Variants in BMP6 observed in about 807,000 individuals in gnomAD.
The protein encoded by BMP6 is VG-1-R.
Under a neutral mutation model 54.1 loss-of-function variants are expected in BMP6, and 17 were observed. The ratio of observed to expected loss-of-function variants is 0.31; its 90% CI spans 0.22 to 0.47. The LOEUF (loss-of-function observed/expected upper bound fraction) is 0.47, where lower values mean the gene tolerates loss of function less well. BMP6 is among the 20% of genes least tolerant of loss of function. BMP6 has a pLI of 1.00. For missense variants in BMP6, 720 were observed against 690.4 expected, an observed-to-expected ratio of 1.04 and a Z score of -0.48; for synonymous variants, 328 against 291.2, an observed-to-expected ratio of 1.13 and a Z score of -1.28.
chr6:7,779,924 G>A (rs1478421745), intron 1 of BMP6, among the ~76,000 whole-genome samples: 5 of 152,144 alleles, frequency 3.3e-5, no homozygotes, highest in African/African-American at 1.2e-4. Context: ...TGGTGAGTGT[G>A]TTTGGGTGTG....
rs1385138476 is a variant in BMP6 at position 7,852,596 on chromosome 6, T to C, written c.857+7264T>C. 4.6e-5 allele frequency among the ~76,000 whole-genome samples: 7 copies of C among 152,136 alleles called. No homozygotes were observed. In the South Asian group the frequency reaches 1.4e-3, roughly 31 times the overall value. ...TGTCTCAAAAAATTTTTTTTAATTT[T>C]AAAAATCTTAGAAAAATAAAAAACC... On this transcript the variant is annotated intron_variant, in intron 2 of 6. Transcript: ENST00000283147.
At chr6:7,872,611 G>A (rs932720669) in intron 4 of BMP6, among the ~76,000 whole-genome samples, 4 of 152,170 alleles carry the variant, frequency 2.6e-5, no homozygotes, top group Admixed American at 1.3e-4. Context: ...CATTGAGAGA[G>A]TCAAATCAAC....
intron 1 of BMP6, among the ~76,000 whole-genome samples, chr6:7,766,992 GTTTTTT>G (rs10557470): frequency 2.2e-4 from 31 of 140,522 alleles, no homozygotes; most frequent in Non-Finnish European, 4.2e-4. Context: ...TAGTTTGTTT[GTTTTTT>G]TTTTTTGAGA....
chr6:7,782,527 A>G (rs1018545878), intron 1 of BMP6, among the ~76,000 whole-genome samples: 1 of 152,118 alleles, frequency 6.6e-6, no homozygotes, highest in Non-Finnish European at 1.5e-5. Flanking sequence ...CCTGGCCAAC[A>G]TGGTGAAACC....
At chr6:7,852,859 T>C (rs1467232692) in intron 2 of BMP6, among the ~76,000 whole-genome samples, 2 of 152,030 alleles carry the variant, frequency 1.3e-5, no homozygotes, top group East Asian at 3.9e-4. Flanking sequence ...AGAGCCAGAG[T>C]CCTAGAGGAA....
intron 1 of BMP6, among the ~76,000 whole-genome samples, chr6:7,739,796 A>G (rs1581227732): frequency 6.6e-6 from 1 of 152,254 alleles, no homozygotes; most frequent in African/African-American, 2.4e-5. Flanking sequence ...GAAGGCAGCT[A>G]ATGACTGTCC....
At chr6:7,823,326 C>T (rs1357007169) in intron 1 of BMP6, among the ~76,000 whole-genome samples, 1 of 152,118 alleles carries the variant, frequency 6.6e-6, no homozygotes, top group Non-Finnish European at 1.5e-5. Flanking sequence ...CATTGGACAG[C>T]TCTTTGAGAC....
chr6:7,808,216 G>A (rs909359910), intron 1 of BMP6, among the ~76,000 whole-genome samples: 5 of 152,156 alleles, frequency 3.3e-5, no homozygotes, highest in South Asian at 2.1e-4. Context: ...CACCGCGCCC[G>A]GCCTTAAATG....
chr6:7,747,946 A>T (rs1181899301), intron 1 of BMP6, among the ~76,000 whole-genome samples: 1 of 152,108 alleles, frequency 6.6e-6, no homozygotes, highest in Non-Finnish European at 1.5e-5. Context: ...GTGCCAGGCT[A>T]TGGACTTCTA....
intron 1 of BMP6, among the ~76,000 whole-genome samples, chr6:7,839,849 C>A (rs1221862660): frequency 6.6e-6 from 1 of 152,188 alleles, no homozygotes; most frequent in Admixed American, 6.5e-5. Context: ...TGGATCAATG[C>A]TAATTTTATG....
intron 1 of BMP6, among the ~76,000 whole-genome samples, chr6:7,843,807 C>T (rs557590474): frequency 6.6e-6 from 1 of 152,268 alleles, no homozygotes; most frequent in African/African-American, 2.4e-5. Context: ...CACCTAAAAT[C>T]TGACTGAAAA....
intron 1 of BMP6, among the ~76,000 whole-genome samples, chr6:7,749,404 C>G (rs1441797937): frequency 1.3e-5 from 2 of 152,098 alleles, no homozygotes; most frequent in Non-Finnish European, 2.9e-5. Context: ...CCCCATTTTC[C>G]CTTCATTCCT....
At position 7,727,354 on chromosome 6, in the gene BMP6, C is replaced by G. The variant is rs753324025; in HGVS notation, c.399C>G (p.Pro133=). The G allele has an allele frequency of 3.0e-5, 49 of 1,609,922 alleles. No individual in the cohort carries two copies. Among genetic ancestry groups the G allele is most frequent in the Non-Finnish European group, 3.7e-5 (44 of 1,178,856 alleles). The change falls in exon 1 of 7, where the codon CCC becomes CCG. Residue 133 remains proline (P), a synonymous_variant. Coordinates refer to ENST00000283147, the MANE Select transcript of BMP6 (RefSeq NM_001718.6). ...EPPPGRLKSA[P]LFMLDLYNAL... ...CTCCCGGGCGACTGAAGTCCGCGCC[C>G]CTCTTCATGCTGGATCTGTACAACG...
chr6:7,774,957 G>A (rs896587734), intron 1 of BMP6, among the ~76,000 whole-genome samples: 1 of 152,166 alleles, frequency 6.6e-6, no homozygotes, highest in Non-Finnish European at 1.5e-5. Flanking sequence ...AGGTGGAATG[G>A]CAAGAGAACA....
chr6:7,762,356 T>C (rs939408404), intron 1 of BMP6, among the ~76,000 whole-genome samples: 3 of 152,226 alleles, frequency 2.0e-5, no homozygotes, highest in Non-Finnish European at 4.4e-5. Flanking sequence ...GGGTTGACAC[T>C]TGAAGGTCTG....
chr6:7,751,202 A>C (rs1015901483), intron 1 of BMP6, among the ~76,000 whole-genome samples: 1 of 152,238 alleles, frequency 6.6e-6, no homozygotes, highest in African/African-American at 2.4e-5. Flanking sequence ...AAACCCAGCC[A>C]GTTGCTCTGC....
chr6:7,798,598 C>T (rs9406060), intron 1 of BMP6, among the ~76,000 whole-genome samples: 90,946 of 152,076 alleles, frequency 0.6, 27,813 homozygotes, highest in African/African-American at 0.71. Flanking sequence ...GCCAGTGACA[C>T]TTTGCCAGTC....
At chr6:7,801,657 T>C (rs1452248761) in intron 1 of BMP6, among the ~76,000 whole-genome samples, 2 of 152,214 alleles carry the variant, frequency 1.3e-5, no homozygotes, top group African/African-American at 4.8e-5. Flanking sequence ...CCCACCACTT[T>C]TCCCTCCCAG....
At chr6:7,859,239 G>A (rs1364603775) in intron 2 of BMP6, among the ~76,000 whole-genome samples, 1 of 152,000 alleles carries the variant, frequency 6.6e-6, no homozygotes, top group Non-Finnish European at 1.5e-5. Context: ...TCTCTTGGAC[G>A]AGGCTGCCAT....
Sources: gnomAD v4.1 joint callset for allele counts (sites outside exome capture counted in the v4.1 genomes callset) on GRCh38, gnomAD v4.1.1 for gene constraint, MANE v1.5 for transcripts, NCBI Gene and HGNC (gene_info 2026-07-23, HGNC 2026-07-21) for gene names.